The following GRB10 variants were observed in gnomAD, a reference collection of about 807,000 sequenced individuals.
GRB10 encodes the protein growth factor receptor bound protein 10.
A neutral mutation model predicts 80.9 loss-of-function variants in GRB10; 20 were observed. That is an observed-to-expected ratio of 0.25 (90% confidence interval 0.17 to 0.36). GRB10 has a LOEUF of 0.36. Among genes scored for constraint, GRB10 ranks in the 10% least tolerant of loss-of-function variants. The pLI is 1.00. For missense variants in GRB10, 548 were observed against 747.7 expected, an observed-to-expected ratio of 0.73 and a Z score of 3.12; for synonymous variants, 291 against 291.5, an observed-to-expected ratio of 1.00 and a Z score of 0.02.
At chr7:50,708,213 T>G (rs1433329060) in intron 4 of GRB10, among the ~76,000 whole-genome samples, 1 of 152,236 alleles carries the variant, frequency 6.6e-6, no homozygotes, top group Non-Finnish European at 1.5e-5. Context: ...TGACAAAGTA[T>G]GGCAGTAAGA....
At chr7:50,621,417 G>A (rs2051716538) in intron 8 of GRB10, among the ~76,000 whole-genome samples, 1 of 152,222 alleles carries the variant, frequency 6.6e-6, no homozygotes, top group Non-Finnish European at 1.5e-5. Context: ...ATCCCCAGAG[G>A]TGGGTCCCAA....
intron 3 of GRB10, among the ~76,000 whole-genome samples, chr7:50,755,417 G>A (rs2074918761): frequency 6.6e-6 from 1 of 152,100 alleles, no homozygotes; most frequent in African/African-American, 2.4e-5. Context: ...CTGAGGCAGG[G>A]GCACACTAAC....
intron 3 of GRB10, among the ~76,000 whole-genome samples, chr7:50,737,315 AGGTCTCATAGCATCTG>A (rs746078429): frequency 1.1e-4 from 16 of 152,146 alleles, no homozygotes; most frequent in Non-Finnish European, 2.4e-4. Context: ...CTCATGATAA[AGGTCTCATAGCATCTG>A]GCTGTTTAAA....
In GRB10 at chr7:50,614,892, C is replaced by A. The variant is rs770154413; in HGVS notation, c.985-12G>T. ...AGGTGTCTGGGTTCCTGTGACAACA[C>A]TGGCCAGGTTAAAGTCTCAAGCACA... is the stretch of plus-strand genomic sequence containing the variant. On this transcript the variant is annotated splice_polypyrimidine_tract_variant and intron_variant, in intron 11 of 18. Coordinates refer to ENST00000401949, the MANE Select transcript of GRB10 (RefSeq NM_001350814.2). 1.3e-6 allele frequency: 2 copies of A among 1,571,500 alleles called. No individual in the cohort carries two copies. Among genetic ancestry groups the A allele is most frequent in the Non-Finnish European group, 1.8e-6 (2 of 1,141,218 alleles).
chr7:50,670,993 AAC>A (rs373067965), intron 6 of GRB10, among the ~76,000 whole-genome samples: 1 of 152,178 alleles, frequency 6.6e-6, no homozygotes, highest in Non-Finnish European at 1.5e-5. Context: ...ACAACTATGC[AAC>A]ACACACACAG....
At chr7:50,774,243 G>A (rs1234828405) in intron 2 of GRB10, among the ~76,000 whole-genome samples, 1 of 152,158 alleles carries the variant, frequency 6.6e-6, no homozygotes, top group Non-Finnish European at 1.5e-5. Flanking sequence ...TAGCTAAAGG[G>A]TGCAGGGTCT....
rs184358128 is a variant in GRB10 at position 50,682,628 on chromosome 7, T to C, written c.140-7970A>G. On this transcript the variant is annotated intron_variant, in intron 5 of 18. Transcript: ENST00000401949. ...CAATATATATACTACTTTGTTTCTGTACTTTTTGGCTTGTCACTTTATAGC... is the reference window on the plus strand; with the variant it reads ...CAATATATATACTACTTTGTTTCTGCACTTTTTGGCTTGTCACTTTATAGC... Among the ~76,000 whole-genome samples the C allele has an allele frequency of 1.4e-3, 217 of 152,360 alleles. 2 individuals carry two copies. The highest frequency in any genetic ancestry group is 5.1e-3 in the African/African-American group (211 of 41,580).
intron 7 of GRB10, among the ~76,000 whole-genome samples, chr7:50,647,891 G>C (rs371231074): frequency 1.3e-5 from 2 of 152,200 alleles, no homozygotes; most frequent in East Asian, 3.9e-4. Flanking sequence ...TTCTGATGGG[G>C]GTACTGGTCT....
chr7:50,693,030 A>G (rs967091938), intron 5 of GRB10, among the ~76,000 whole-genome samples: 1 of 152,176 alleles, frequency 6.6e-6, no homozygotes, highest in Admixed American at 6.5e-5. Flanking sequence ...CATCATCAGC[A>G]TCATTATTTT....
intron 3 of GRB10, among the ~76,000 whole-genome samples, chr7:50,748,533 G>C (rs114989936): frequency 1.1e-3 from 165 of 152,368 alleles, no homozygotes; most frequent in African/African-American, 3.8e-3. Context: ...CAGGGTACCA[G>C]GGATGGGGTC....
At chr7:50,633,657 A>G (rs144131803) in intron 7 of GRB10, among the ~76,000 whole-genome samples, 5 of 152,134 alleles carry the variant, frequency 3.3e-5, no homozygotes, top group African/African-American at 1.2e-4. Context: ...CAAAAAAACC[A>G]GAAGAGTAAT....
intron 3 of GRB10, among the ~76,000 whole-genome samples, chr7:50,736,102 A>G (rs2070748868): frequency 6.6e-6 from 1 of 152,116 alleles, no homozygotes; most frequent in South Asian, 2.1e-4. Flanking sequence ...CCTGGCCAAC[A>G]TGGTGAAACC....
intron 3 of GRB10, among the ~76,000 whole-genome samples, chr7:50,743,865 C>G (rs542353641): frequency 1.3e-5 from 2 of 152,298 alleles, no homozygotes; most frequent in South Asian, 4.1e-4. Context: ...TCCAACTGAT[C>G]TGAGACCCAG....
chr7:50,613,181 C>T (rs558253546), intron 12 of GRB10, among the ~76,000 whole-genome samples: 1 of 152,328 alleles, frequency 6.6e-6, no homozygotes, highest in East Asian at 1.9e-4. Flanking sequence ...AGGCATCTAA[C>T]TCTGTCGACG....
chr7:50,634,217 G>A (rs752924711), intron 7 of GRB10, among the ~76,000 whole-genome samples: 2 of 152,176 alleles, frequency 1.3e-5, no homozygotes, highest in African/African-American at 4.8e-5. Flanking sequence ...CAAGTCAGAA[G>A]AGACTGGGGG....
chr7:50,752,923 C>T (rs891284963), intron 3 of GRB10, among the ~76,000 whole-genome samples: 10 of 152,202 alleles, frequency 6.6e-5, no homozygotes, highest in Non-Finnish European at 1.0e-4. Flanking sequence ...CTGAGGGAAA[C>T]GCTCAGAGGT....
chr7:50,677,834 C>A (rs546885784), intron 5 of GRB10, among the ~76,000 whole-genome samples: 1 of 152,226 alleles, frequency 6.6e-6, no homozygotes. Context: ...ATGCCACACA[C>A]GTGCACACGT....
rs777553621 is a variant in GRB10, at chr7:50,775,161, C to CAAAAA, written c.-217+5461_-217+5465dup. Among the ~76,000 whole-genome samples, 51 of 30,992 alleles carry CAAAAA rather than the reference C, an allele frequency of 1.6e-3. 3 individuals are homozygous for CAAAAA. Among genetic ancestry groups the CAAAAA allele is most frequent in the Admixed American group, 3.4e-3 (8 of 2,362 alleles). 20.3% of individuals were successfully genotyped at this position (30,992 alleles called of 152,430 possible). A position where few individuals can be genotyped will look rare whatever the true frequency, so the allele number is the denominator to read the frequency against. ...GAATGACACAGTGAGATCCTGTCTC[C>CAAAAA]AAAAAAAAAAAACAAAAAAAAACAG... On this transcript the variant is annotated intron_variant, in intron 2 of 18. Coordinates refer to ENST00000401949, the MANE Select transcript of GRB10 (RefSeq NM_001350814.2).
intron 3 of GRB10, among the ~76,000 whole-genome samples, chr7:50,739,693 G>A (rs2071397890): frequency 6.6e-6 from 1 of 152,186 alleles, no homozygotes; most frequent in African/African-American, 2.4e-5. Context: ...TGAAAATAGG[G>A]CAGGGCTGTG....
Sources: gnomAD v4.1 joint callset for allele counts (sites outside exome capture counted in the v4.1 genomes callset) on GRCh38, gnomAD v4.1.1 for gene constraint, MANE v1.5 for transcripts, NCBI Gene and HGNC (gene_info 2026-07-23, HGNC 2026-07-21) for gene names.